The following CYP2C19 variants were observed in gnomAD, a reference collection of about 807,000 sequenced individuals.
CYP2C19 encodes cytochrome P450 2C19.
A neutral mutation model predicts 40.9 loss-of-function variants in CYP2C19; 59 were observed. The observed-to-expected ratio is 1.44, with a 90% CI of 1.17 to 1.79. The LOEUF (loss-of-function observed/expected upper bound fraction) is 1.79. Among genes scored for constraint, CYP2C19 ranks in the 40% most tolerant of loss-of-function variants. The pLI is 0.00. For missense variants in CYP2C19, 754 were observed against 596.9 expected, an observed-to-expected ratio of 1.26 and a Z score of -2.74; for synonymous variants, 253 against 208.7, an observed-to-expected ratio of 1.21 and a Z score of -1.83.
At chr10:94,821,407 T>C (rs1375955385) in intron 6 of CYP2C19, among the ~76,000 whole-genome samples, 5 of 152,210 alleles carry the variant, frequency 3.3e-5, no homozygotes, top group Non-Finnish European at 5.9e-5. Context: ...GGATAAATGG[T>C]AATCCTAGAA....
intron 3 of CYP2C19, among the ~76,000 whole-genome samples, chr10:94,776,703 G>A (rs1393782097): frequency 6.6e-6 from 1 of 152,024 alleles, no homozygotes; most frequent in African/African-American, 2.4e-5. Context: ...CATATTTAAT[G>A]GGCAAAATCT....
At chr10:94,794,044 C>G (rs575924615) in intron 5 of CYP2C19, among the ~76,000 whole-genome samples, 1 of 152,250 alleles carries the variant, frequency 6.6e-6, no homozygotes, top group East Asian at 1.9e-4. Flanking sequence ...TTAACCTACT[C>G]AAGCCTCAGA....
chr10:94,852,521 T>C lies in CYP2C19; in HGVS notation c.1292-212T>C, dbSNP rs17879629. Among the ~76,000 whole-genome samples the C allele has an allele frequency of 4.7e-3, 713 of 152,310 alleles. 4 individuals are homozygous for C. The highest frequency in any genetic ancestry group is 0.011 in the African/African-American group (468 of 41,568). ...AGAGTAAGCATGTCCATTCATTGTT[T>C]AGTTGCCTATCCATCCATTCATCCA... On this transcript the variant is annotated intron_variant, in intron 8 of 8. Transcript: ENST00000371321.
intron 1 of CYP2C19, among the ~76,000 whole-genome samples, chr10:94,766,656 G>A (rs1433271401): frequency 1.3e-5 from 2 of 152,048 alleles, no homozygotes; most frequent in Admixed American, 1.3e-4. Context: ...CAGGATCGGT[G>A]GTAGGAGCCT....
chr10:94,851,561 G>C (rs1161931786), intron 8 of CYP2C19, among the ~76,000 whole-genome samples: 2 of 152,108 alleles, frequency 1.3e-5, no homozygotes, highest in African/African-American at 2.4e-5. Context: ...AAATACCCAA[G>C]ACTAGGCAAC....
intron 7 of CYP2C19, among the ~76,000 whole-genome samples, chr10:94,848,457 A>T (rs1290528342): frequency 6.6e-6 from 1 of 152,194 alleles, no homozygotes; most frequent in Non-Finnish European, 1.5e-5. Context: ...TGGTACCAGT[A>T]CCATGCTGTT....
intron 5 of CYP2C19, among the ~76,000 whole-genome samples, chr10:94,808,056 A>G (rs923386252): frequency 1.3e-5 from 2 of 152,074 alleles, no homozygotes; most frequent in Non-Finnish European, 2.9e-5. Flanking sequence ...ATAATGAGAG[A>G]TAAAAATCTT....
At chr10:94,841,663 G>A (rs1849497213) in intron 6 of CYP2C19, among the ~76,000 whole-genome samples, 2 of 152,184 alleles carry the variant, frequency 1.3e-5, no homozygotes, top group African/African-American at 4.8e-5. Context: ...TGGTTTTGCA[G>A]TAGCCCCTAG....
rs1438877591 is a variant in CYP2C19, at chr10:94,842,841, AG to A, written c.967del (p.Val323SerfsTer48). On this transcript the variant is annotated frameshift_variant, in exon 7 of 9. Coordinates refer to ENST00000371321, the MANE Select transcript of CYP2C19 (RefSeq NM_000769.4). LOFTEE classifies it high-confidence loss of function. ...LLKHPEVTAK[V>X]QEEIERVIGR... The stretch of plus-strand genomic sequence containing the variant: ...TTCTTACTTGTGTCTTGTCAGCTAA[AG>A]TCCAGGAAGAGATTGAACGTGTCAT... 1 of 1,614,142 alleles carries A rather than the reference AG, an allele frequency of 6.2e-7. No individual in the cohort carries two copies. The highest frequency in any genetic ancestry group is 2.2e-5 in the East Asian group (1 of 44,882).
chr10:94,772,382 T>C (rs1013293713), intron 1 of CYP2C19, among the ~76,000 whole-genome samples: 19 of 152,076 alleles, frequency 1.2e-4, no homozygotes, highest in African/African-American at 4.3e-4. Context: ...CTAGAAATCA[T>C]TCATGTAGGA....
chr10:94,778,661 T>G (rs564651895), intron 3 of CYP2C19, among the ~76,000 whole-genome samples: 33 of 152,284 alleles, frequency 2.2e-4, no homozygotes, highest in African/African-American at 7.2e-4. Context: ...TTTTACACTG[T>G]TGGTGGAAGT....
chr10:94,770,691 C>A (rs895168018), intron 1 of CYP2C19, among the ~76,000 whole-genome samples: 1 of 152,120 alleles, frequency 6.6e-6, no homozygotes, highest in Admixed American at 6.5e-5. Context: ...TTAAGGCCTC[C>A]TGTAGCCACT....
At chr10:94,843,098 T>C (rs773968445) in intron 7 of CYP2C19, 74 bp downstream of exon 7, 736 of 1,557,052 alleles carry the variant, frequency 4.7e-4, no homozygotes, top group Non-Finnish European at 6.3e-4. Flanking sequence ...TCTTACCCTC[T>C]ACCATCACTG....
chr10:94,833,282 C>T (rs538811284), intron 6 of CYP2C19, among the ~76,000 whole-genome samples: 1 of 152,214 alleles, frequency 6.6e-6, no homozygotes, highest in Admixed American at 6.5e-5. Context: ...CTTGCTAGGT[C>T]ATCTAGTAGT....
At chr10:94,791,112 G>A (rs951623379) in intron 5 of CYP2C19, among the ~76,000 whole-genome samples, 3 of 151,858 alleles carry the variant, frequency 2.0e-5, no homozygotes, top group South Asian at 2.1e-4. Flanking sequence ...GTATGTGTCC[G>A]GGAATTTATC....
intron 5 of CYP2C19, among the ~76,000 whole-genome samples, chr10:94,810,145 G>T (rs1368304403): frequency 6.6e-6 from 1 of 152,096 alleles, no homozygotes; most frequent in Non-Finnish European, 1.5e-5. Flanking sequence ...CTCCCAAAGT[G>T]CTGGAATTAT....
At chr10:94,817,683 G>T (rs958661777) in intron 5 of CYP2C19, among the ~76,000 whole-genome samples, 2 of 151,116 alleles carry the variant, frequency 1.3e-5, no homozygotes, top group Non-Finnish European at 2.9e-5. Context: ...GTAATGCCTA[G>T]GTTTTCTTCT....
chr10:94,786,525 T>C (rs1449488250), intron 5 of CYP2C19, among the ~76,000 whole-genome samples: 1 of 152,140 alleles, frequency 6.6e-6, no homozygotes, highest in Non-Finnish European at 1.5e-5. Context: ...AAATACTTTC[T>C]TTTTAAAAAA....
chr10:94,817,615 T>C (rs2134265437), intron 5 of CYP2C19, among the ~76,000 whole-genome samples: 1 of 146,838 alleles, frequency 6.8e-6, no homozygotes, highest in South Asian at 2.3e-4. Context: ...TGTCTTTTGT[T>C]GCCATTGCTT....
Sources: allele counts gnomAD v4.1 joint callset (sites outside exome capture counted in the v4.1 genomes callset), GRCh38; gene constraint gnomAD v4.1.1; transcripts MANE v1.5; gene names NCBI Gene and HGNC (gene_info 2026-07-23, HGNC 2026-07-21).